Variants in PVT1 observed in about 807,000 individuals in gnomAD.
The protein encoded by PVT1 is CXCR4/PVT1 fusion.
intron 4 of PVT1, among the ~76,000 whole-genome samples, chr8:127,997,907 A>G (rs1817125952): frequency 6.6e-6 from 1 of 152,216 alleles, no homozygotes; most frequent in South Asian, 2.1e-4. Flanking sequence ...GTTTGTGATG[A>G]CATTGACAGT....
chr8:127,896,781 C>T (rs907407058), intron 3 of PVT1, among the ~76,000 whole-genome samples: 2 of 92,730 alleles, frequency 2.2e-5, no homozygotes, highest in South Asian at 3.0e-4. Context: ...TCCTCCCCCC[C>T]CCCGCCCCCG....
At chr8:127,795,595 C>T (rs569477225) in intron 1 of PVT1, among the ~76,000 whole-genome samples, 160 of 152,174 alleles carry the variant, frequency 1.1e-3, no homozygotes, top group Non-Finnish European at 1.6e-3. Context: ...GCCTGTCTCT[C>T]GCCCACTCCA....
At chr8:127,860,547 A>G (rs1038183266) in intron 2 of PVT1, among the ~76,000 whole-genome samples, 1 of 151,730 alleles carries the variant, frequency 6.6e-6, no homozygotes, top group African/African-American at 2.4e-5. Context: ...GGCGGATCAC[A>G]AGGTCAGGAG....
At chr8:128,012,151 C>T (rs999577415) in intron 4 of PVT1, among the ~76,000 whole-genome samples, 1 of 152,162 alleles carries the variant, frequency 6.6e-6, no homozygotes, top group Non-Finnish European at 1.5e-5. Flanking sequence ...ACATTCAATA[C>T]ACATTTGCTG....
At chr8:127,978,449 C>G (rs1816846481) in intron 3 of PVT1, among the ~76,000 whole-genome samples, 1 of 151,564 alleles carries the variant, frequency 6.6e-6, no homozygotes, top group Non-Finnish European at 1.5e-5. Context: ...CCACATCCAG[C>G]CTTAGTTGTC....
At chr8:128,054,763 A>ACACAGAT (rs1563676547) in intron 4 of PVT1, among the ~76,000 whole-genome samples, 1 of 152,308 alleles carries the variant, frequency 6.6e-6, no homozygotes, top group East Asian at 1.9e-4. Context: ...GTTTTCAGGG[A>ACACAGAT]CACAGATCAC....
At chr8:127,831,054 G>C (rs1176889275) in intron 2 of PVT1, among the ~76,000 whole-genome samples, 1 of 100,754 alleles carries the variant, frequency 9.9e-6, no homozygotes, top group African/African-American at 3.2e-5. Flanking sequence ...GTGTGTGTGT[G>C]TGTGTGTGTG....
intron 2 of PVT1, among the ~76,000 whole-genome samples, chr8:127,831,131 CTA>C (rs1442653550): frequency 8.5e-5 from 11 of 129,428 alleles, no homozygotes; most frequent in African/African-American, 3.1e-4. Context: ...ATATCTATAT[CTA>C]TATCTATCTC....
intron 4 of PVT1, among the ~76,000 whole-genome samples, chr8:128,037,588 A>G (rs1485592515): frequency 6.6e-6 from 1 of 152,166 alleles, no homozygotes; most frequent in East Asian, 1.9e-4. Flanking sequence ...TTTTTAGCAT[A>G]AATACACGCT....
intron 3 of PVT1, among the ~76,000 whole-genome samples, chr8:127,953,769 T>C (rs1816536246): frequency 1.3e-5 from 2 of 152,228 alleles, no homozygotes; most frequent in South Asian, 2.1e-4. Flanking sequence ...CTATGTGGAC[T>C]TCCTAGATGA....
At chr8:127,909,645 G>A (rs1466047751) in intron 3 of PVT1, among the ~76,000 whole-genome samples, 1 of 152,194 alleles carries the variant, frequency 6.6e-6, no homozygotes, top group African/African-American at 2.4e-5. Context: ...TTTAAGAACT[G>A]CTTTGGTCCC....
chr8:127,817,150 A>G (rs1476081013), intron 2 of PVT1, among the ~76,000 whole-genome samples: 1 of 151,876 alleles, frequency 6.6e-6, no homozygotes, highest in African/African-American at 2.4e-5. Flanking sequence ...CAAATTTGGA[A>G]TGGACTTCTA....
At chr8:127,957,883 G>A (rs1477581793) in intron 3 of PVT1, among the ~76,000 whole-genome samples, 6 of 152,220 alleles carry the variant, frequency 3.9e-5, no homozygotes, top group African/African-American at 4.8e-5. Context: ...GCCGTGCCTC[G>A]TTCTGCAGGG....
chr8:127,815,219 G>A (rs12680661), intron 2 of PVT1, among the ~76,000 whole-genome samples: 16,838 of 152,074 alleles, frequency 0.11, 1,204 homozygotes, highest in South Asian at 0.2. Flanking sequence ...CACCCTCCTC[G>A]GCCTCCCTAA....
At chr8:127,849,505 C>T (rs561856685) in intron 2 of PVT1, among the ~76,000 whole-genome samples, 1 of 152,308 alleles carries the variant, frequency 6.6e-6, no homozygotes, top group South Asian at 2.1e-4. Context: ...CCTTGCCGTT[C>T]CTATGAAGTG....
chr8:127,989,978 G>C (rs1817014302), intron 4 of PVT1, among the ~76,000 whole-genome samples: 1 of 152,210 alleles, frequency 6.6e-6, no homozygotes, highest in Admixed American at 6.5e-5. Context: ...CAGCTTAGCA[G>C]GCTGCCTTGC....
intron 2 of PVT1, among the ~76,000 whole-genome samples, chr8:127,821,771 C>T (rs1424023696): frequency 6.6e-6 from 1 of 151,692 alleles, no homozygotes; most frequent in Non-Finnish European, 1.5e-5. Flanking sequence ...GAGATCGCAC[C>T]ACTGAACTCC....
At chr8:128,066,412 A>G (rs903142956) in intron 4 of PVT1, among the ~76,000 whole-genome samples, 1 of 152,260 alleles carries the variant, frequency 6.6e-6, no homozygotes, top group Non-Finnish European at 1.5e-5. Flanking sequence ...GCATGATCTC[A>G]GGTTGACCTG....
chr8:127,797,930 A>T (rs2130184733), intron 2 of PVT1, among the ~76,000 whole-genome samples: 1 of 152,286 alleles, frequency 6.6e-6, no homozygotes, highest in Middle Eastern at 3.4e-3. Flanking sequence ...AGCTTGGGAG[A>T]GGCAGAGCTG....
Sources: gnomAD v4.1 joint callset for allele counts (sites outside exome capture counted in the v4.1 genomes callset) on GRCh38, gnomAD v4.1.1 for gene constraint, MANE v1.5 for transcripts, NCBI Gene and HGNC (gene_info 2026-07-23, HGNC 2026-07-21) for gene names.